The following ABCC8 variants were observed in gnomAD, a reference collection of about 807,000 sequenced individuals.
ABCC8 encodes the protein ATP binding cassette subfamily C member 8, also known as ATP-binding cassette sub-family C member 8.
A neutral mutation model predicts 188.0 loss-of-function variants in ABCC8; 137 were observed. That is an observed-to-expected ratio of 0.73 (90% CI 0.63 to 0.84). The LOEUF is 0.84. ABCC8 is among the 40% of genes least tolerant of loss of function. The probability of loss-of-function intolerance (pLI) is 0.00; values close to 1 mark genes in which losing one functional copy is unlikely to be tolerated. For missense variants in ABCC8, 1,750 were observed against 2,072.7 expected (o/e 0.84, Z 3.02); for synonymous variants, 797 against 846.5 (o/e 0.94, Z 1.01).
In ABCC8 at chr11:17,476,836, C is replaced by G. The variant is rs751511078; in HGVS notation, c.-60G>C. 1 of 1,433,608 alleles carries G rather than the reference C, an allele frequency of 7.0e-7. No homozygotes were observed. Among genetic ancestry groups the G allele is most frequent in the Non-Finnish European group, 9.1e-7 (1 of 1,096,228 alleles). The allele number at this position is 1,433,608 out of a possible 1,614,324, so 88.8% of individuals were successfully genotyped here. A position where few individuals can be genotyped will look rare whatever the true frequency, so the allele number is the denominator to read the frequency against. ...TGGCTCCGCTGGCTCCGCGCGCCTG[C>G]CGCGCCTCTGTCCCTTGCAGCTCCG... On this transcript the variant is annotated 5_prime_UTR_variant, in exon 1 of 39. Transcript: ENST00000389817.
chr11:17,431,398 C>T (rs1425321677), intron 11 of ABCC8, among the ~76,000 whole-genome samples: 1 of 152,234 alleles, frequency 6.6e-6, no homozygotes, highest in African/African-American at 2.4e-5. Context: ...ACCCACAGTT[C>T]CCCCAGGAGC....
intron 31 of ABCC8, 92 bp downstream of exon 31, chr11:17,397,590 TAA>T: frequency 1.3e-6 from 2 of 1,498,116 alleles, no homozygotes; most frequent in African/African-American, 2.8e-5. Flanking sequence ...GAAATTGGGG[TAA>T]GGCCTGGGAG....
At chr11:17,475,367 A>G (rs1260573678) in intron 1 of ABCC8, among the ~76,000 whole-genome samples, 2 of 152,114 alleles carry the variant, frequency 1.3e-5, no homozygotes, top group Non-Finnish European at 2.9e-5. Flanking sequence ...ACAGGCGCAC[A>G]TCACCATGCT....
At chr11:17,445,071 C>A (rs2133603803) in intron 8 of ABCC8, among the ~76,000 whole-genome samples, 1 of 152,298 alleles carries the variant, frequency 6.6e-6, no homozygotes, top group South Asian at 2.1e-4. Flanking sequence ...TATGGTGCTG[C>A]CACTGGTTCA....
Position 17,412,980 on chromosome 11 carries a change from G to A in ABCC8, c.2476-234C>T, listed in dbSNP as rs1954889484. ...ATTGTGTAGGCGCTAGGGACCATCT[G>A]ACCAGTACAAACAAAGACAGAGGCA... On this transcript the variant is annotated intron_variant, in intron 20 of 38. Coordinates refer to ENST00000389817, the MANE Select transcript of ABCC8 (RefSeq NM_000352.6). The A allele has an allele frequency of 6.0e-6, 5 of 839,738 alleles. No individual in the cohort carries two copies. In the South Asian group the frequency reaches 9.1e-5, roughly 15 times the overall value. 52.0% of individuals were successfully genotyped at this position (839,738 alleles called of 1,614,324 possible).
At chr11:17,444,691 A>C (rs1458510470) in intron 8 of ABCC8, among the ~76,000 whole-genome samples, 2 of 152,134 alleles carry the variant, frequency 1.3e-5, no homozygotes, top group Non-Finnish European at 2.9e-5. Flanking sequence ...TAAAAGGACT[A>C]TTTTGTCTCC....
At chr11:17,393,853 C>T in intron 37 of ABCC8, 94 bp from the exon 38 acceptor site, 1 of 1,612,514 alleles carries the variant, frequency 6.2e-7, no homozygotes, top group East Asian at 2.2e-5. Context: ...TGTGGCTCAG[C>T]TCCCATCTGA....
intron 4 of ABCC8, among the ~76,000 whole-genome samples, chr11:17,462,760 A>G (rs1173347180): frequency 6.7e-6 from 1 of 149,218 alleles, no homozygotes; most frequent in Non-Finnish European, 1.5e-5. Flanking sequence ...GGGAGTCCCA[A>G]GAGATATTTG....
intron 3 of ABCC8, among the ~76,000 whole-genome samples, chr11:17,467,333 G>A (rs1848227621): frequency 6.6e-6 from 1 of 152,108 alleles, no homozygotes; most frequent in East Asian, 1.9e-4. Flanking sequence ...ACAAGAATCC[G>A]CTTGAACCCA....
At chr11:17,453,088 T>G (rs950922029) in intron 7 of ABCC8, 31 bp downstream of exon 7, 9 of 1,567,572 alleles carry the variant, frequency 5.7e-6, no homozygotes, top group Non-Finnish European at 7.0e-6. Context: ...ATGGTTCTTA[T>G]GGCAAAGTGA....
chr11:17,476,736 G>A lies in ABCC8; in HGVS notation c.41C>T (p.Ala14Val). 1 of 1,602,480 alleles carries A rather than the reference G, an allele frequency of 6.2e-7. No homozygotes were observed. The highest frequency in any genetic ancestry group is 1.1e-5 in the South Asian group (1 of 89,270). The change falls in exon 1 of 39, where the codon GCC (alanine) becomes GTC (valine). Residue 14 changes from alanine to valine, a missense_variant. Transcript: ENST00000389817. Reference sequence around the variant, plus strand: ...GAGGACCCCCTGGTCCACCCGGTAGGCGGCCGAGTGGTTCTCGCTGCCGCA... The same window carrying A: ...GAGGACCCCCTGGTCCACCCGGTAGACGGCCGAGTGGTTCTCGCTGCCGCA... ...AFCGSENHSA[A>V]YRVDQGVLNN...
At chr11:17,460,311 G>T (rs1345254462) in intron 6 of ABCC8, among the ~76,000 whole-genome samples, 177 bp downstream of exon 6, 1 of 152,220 alleles carries the variant, frequency 6.6e-6, no homozygotes, top group African/African-American at 2.4e-5. Context: ...TCGCCCTCTG[G>T]CATTTCTGTT....
At chr11:17,442,052 C>A (rs1231986327) in intron 10 of ABCC8, among the ~76,000 whole-genome samples, 2 of 152,068 alleles carry the variant, frequency 1.3e-5, no homozygotes, top group Non-Finnish European at 2.9e-5. Flanking sequence ...TGCACTCCAG[C>A]CTGGGTGACA....
intron 7 of ABCC8, among the ~76,000 whole-genome samples, chr11:17,450,357 C>CTTT (rs1956753492): frequency 9.9e-6 from 1 of 101,368 alleles, no homozygotes; most frequent in Admixed American, 1.3e-4. Context: ...TTCTTTCTTT[C>CTTT]CTTCCTTTCC....
intron 3 of ABCC8, among the ~76,000 whole-genome samples, chr11:17,469,014 C>T (rs1255286023): frequency 2.0e-5 from 3 of 151,952 alleles, no homozygotes; most frequent in East Asian, 1.9e-4. Flanking sequence ...CTCTTCTCTC[C>T]CCAGGTGACC....
chr11:17,441,241 C>A (rs936034858), intron 10 of ABCC8, among the ~76,000 whole-genome samples: 1 of 152,168 alleles, frequency 6.6e-6, no homozygotes, highest in Admixed American at 6.5e-5. Flanking sequence ...CCCACAGAGG[C>A]CCCCAGCTCT....
chr11:17,392,986 G>T lies in ABCC8; in HGVS notation c.*5C>A, dbSNP rs954995814. 3.7e-6 allele frequency: 6 copies of T among 1,614,012 alleles called. No individual in the cohort carries two copies. Among genetic ancestry groups the T allele is most frequent in the Non-Finnish European group, 5.1e-6 (6 of 1,180,028 alleles). On this transcript the variant is annotated 3_prime_UTR_variant, in exon 39 of 39. Coordinates refer to ENST00000389817, the MANE Select transcript of ABCC8 (RefSeq NM_000352.6). ...AATGTGGGATGGCACTTGGGCTCTG[G>T]CAGGTCACTTGTCTGCACGGACGAA...
chr11:17,394,333 C>A lies in ABCC8; in HGVS notation c.4478G>T (p.Arg1493Leu), dbSNP rs746480424. 1.2e-6 allele frequency: 2 copies of A among 1,614,052 alleles called. No individual in the cohort carries two copies. Among genetic ancestry groups the A allele is most frequent in the Non-Finnish European group, 1.7e-6 (2 of 1,180,042 alleles). The change falls in exon 37 of 39, where the codon CGG (arginine) becomes CTG (leucine). Residue 1493 changes from arginine to leucine, a missense_variant. By Grantham distance (102) the Arg-to-Leu change is moderately radical. Transcript: ENST00000389817. ...QGQRQLFCLA[R>L]AFVRKTSIFI... The stretch of plus-strand genomic sequence containing the variant: ...GATGCTGGTCTTCCTCACGAAGGCC[C>A]GGGCCAGGCAGAACAGCTGCCTCTG...
intron 29 of ABCC8, among the ~76,000 whole-genome samples, chr11:17,401,739 T>C (rs1478418884): frequency 6.6e-6 from 1 of 152,052 alleles, no homozygotes; most frequent in African/African-American, 2.4e-5. Context: ...CCTCTGGAGA[T>C]CAGACAGACT....
Sources: gnomAD v4.1 joint callset for allele counts (sites outside exome capture counted in the v4.1 genomes callset) on GRCh38, gnomAD v4.1.1 for gene constraint, MANE v1.5 for transcripts, NCBI Gene and HGNC (gene_info 2026-07-23, HGNC 2026-07-21) for gene names.